Variants in SNTG2 observed in about 807,000 individuals in gnomAD.
SNTG2 encodes the protein syntrophin gamma 2.
In SNTG2, 74 loss-of-function variants were observed where a neutral mutation model predicts 70.9. The observed-to-expected ratio is 1.04, with a 90% CI of 0.86 to 1.27. The LOEUF (loss-of-function observed/expected upper bound fraction) is 1.27, where lower values mean the gene tolerates loss of function less well. Ranked by LOEUF, SNTG2 falls within the 50% of genes most tolerant of loss-of-function variation. The pLI is 0.00. For missense variants in SNTG2, 717 were observed against 690.7 expected (o/e 1.04, Z -0.43); for synonymous variants, 278 against 273.8 (o/e 1.02, Z -0.15).
At chr2:1,296,865 A>C (rs971532227) in intron 14 of SNTG2, among the ~76,000 whole-genome samples, 5 of 152,236 alleles carry the variant, frequency 3.3e-5, no homozygotes, top group Non-Finnish European at 5.9e-5. Context: ...AATAAATTGT[A>C]TTTGTAGAGC....
chr2:1,234,851 C>T (rs1362823594), intron 9 of SNTG2, among the ~76,000 whole-genome samples: 1 of 152,224 alleles, frequency 6.6e-6, no homozygotes, highest in African/African-American at 2.4e-5. Context: ...AGAGTTAGGA[C>T]TCTGGACTCA....
chr2:1,167,473 C>T (rs1343447012), intron 7 of SNTG2, among the ~76,000 whole-genome samples: 3 of 139,096 alleles, frequency 2.2e-5, no homozygotes, highest in East Asian at 2.3e-4. Flanking sequence ...CGCCCACAGA[C>T]GGCAGAACTG....
At chr2:1,088,608 C>T (rs1664827264) in intron 2 of SNTG2, among the ~76,000 whole-genome samples, 2 of 152,224 alleles carry the variant, frequency 1.3e-5, no homozygotes, top group East Asian at 3.9e-4. Context: ...AAAACAACTG[C>T]ATTCGGAGCT....
At chr2:1,333,610 A>G (rs547358597) in intron 16 of SNTG2, among the ~76,000 whole-genome samples, 1 of 152,354 alleles carries the variant, frequency 6.6e-6, no homozygotes, top group South Asian at 2.1e-4. Flanking sequence ...AATGGAACAG[A>G]ATAGAGAACC....
At chr2:1,350,084 G>A (rs766384051) in intron 16 of SNTG2, among the ~76,000 whole-genome samples, 32 of 151,914 alleles carry the variant, frequency 2.1e-4, no homozygotes, top group Non-Finnish European at 3.4e-4. Flanking sequence ...TTAGGAAATC[G>A]GATGGCCTCA....
At chr2:967,237 G>A (rs369642136) in intron 1 of SNTG2, among the ~76,000 whole-genome samples, 1 of 152,112 alleles carries the variant, frequency 6.6e-6, no homozygotes, top group African/African-American at 2.4e-5. Flanking sequence ...CTATTGTAAC[G>A]GGTAAAACCA....
intron 15 of SNTG2, among the ~76,000 whole-genome samples, chr2:1,312,362 C>T (rs951559899): frequency 1.3e-5 from 2 of 152,192 alleles, no homozygotes; most frequent in Non-Finnish European, 2.9e-5. Flanking sequence ...ACATCCTCTT[C>T]TCACTCTCTG....
Position 1,321,459 on chromosome 2 carries a change from A to C in SNTG2, c.1488+5084A>C, listed in dbSNP as rs144666792. Reference sequence around the variant, plus strand: ...GAGGAAGATTGGGCGTGGGCACCTGAGTGTTTAGGACCACGGAGGGGGTGG... The same window carrying C: ...GAGGAAGATTGGGCGTGGGCACCTGCGTGTTTAGGACCACGGAGGGGGTGG... On this transcript the variant is annotated intron_variant, in intron 16 of 16. Coordinates refer to ENST00000308624, the MANE Select transcript of SNTG2 (RefSeq NM_018968.4). 6.5e-3 allele frequency among the ~76,000 whole-genome samples: 994 copies of C among 152,218 alleles called. 6 individuals are homozygous for C. The highest frequency in any genetic ancestry group is 0.023 in the African/African-American group (938 of 41,540).
At chr2:1,085,050 A>C (rs904813926) in intron 2 of SNTG2, among the ~76,000 whole-genome samples, 1 of 152,192 alleles carries the variant, frequency 6.6e-6, no homozygotes, top group African/African-American at 2.4e-5. Context: ...TCACGGGCTC[A>C]TACAAGATTC....
At position 1,355,175 on chromosome 2, in the gene SNTG2, CT is replaced by C. The variant is rs200235711; in HGVS notation, c.1489-12167del. On this transcript the variant is annotated intron_variant, in intron 16 of 16. Coordinates refer to ENST00000308624, the MANE Select transcript of SNTG2 (RefSeq NM_018968.4). ...TGACCTGGGAAATCACGTAATCTTT[CT>C]GGTTTTCGTATTTGTTTATGTGTGG... Among the ~76,000 whole-genome samples the C allele has an allele frequency of 9.8e-5, 15 of 152,324 alleles. No individual in the cohort carries two copies. In the East Asian group the frequency reaches 2.5e-3, roughly 25 times the overall value.
intron 12 of SNTG2, among the ~76,000 whole-genome samples, chr2:1,249,746 G>A (rs1294091374): frequency 6.6e-6 from 1 of 152,328 alleles, no homozygotes; most frequent in South Asian, 2.1e-4. Flanking sequence ...AAATCCTAAT[G>A]TATCTAAATT....
intron 9 of SNTG2, among the ~76,000 whole-genome samples, chr2:1,227,368 G>T (rs1373477911): frequency 6.6e-6 from 1 of 152,264 alleles, no homozygotes; most frequent in Non-Finnish European, 1.5e-5. Context: ...TGGCTGCTAT[G>T]CCGAGGCCAC....
At chr2:1,078,281 A>G (rs1243181018) in intron 1 of SNTG2, among the ~76,000 whole-genome samples, 1 of 152,204 alleles carries the variant, frequency 6.6e-6, no homozygotes, top group Admixed American at 6.5e-5. Flanking sequence ...CAAGCGGCAC[A>G]TGGGTTCTGA....
At chr2:969,988 G>C (rs938478847) in intron 1 of SNTG2, among the ~76,000 whole-genome samples, 2 of 152,146 alleles carry the variant, frequency 1.3e-5, no homozygotes, top group Non-Finnish European at 2.9e-5. Flanking sequence ...GTATGATGTT[G>C]ACTGTGGGTT....
chr2:1,250,477 G>C (rs1461831309), intron 12 of SNTG2, among the ~76,000 whole-genome samples: 4 of 151,218 alleles, frequency 2.6e-5, no homozygotes, highest in Non-Finnish European at 2.9e-5. Flanking sequence ...GACTCTCTCT[G>C]TGTCTCTTCC....
intron 1 of SNTG2, among the ~76,000 whole-genome samples, chr2:1,003,615 G>A (rs1659476589): frequency 6.6e-6 from 1 of 152,174 alleles, no homozygotes; most frequent in African/African-American, 2.4e-5. Context: ...TACCTTGGGT[G>A]CATTTGCCTG....
intron 1 of SNTG2, among the ~76,000 whole-genome samples, chr2:1,080,868 T>G (rs1237081408): frequency 6.6e-6 from 1 of 152,106 alleles, no homozygotes; most frequent in Non-Finnish European, 1.5e-5. Context: ...TTTGTGTTTT[T>G]GGGTGGCCTA....
intron 1 of SNTG2, among the ~76,000 whole-genome samples, chr2:986,929 T>C (rs1661343195): frequency 6.6e-6 from 1 of 152,248 alleles, no homozygotes; most frequent in East Asian, 1.9e-4. Flanking sequence ...ATGGGAATAC[T>C]TGCAGCTATT....
At chr2:1,237,378 TTGTTAATACTTTGC>T (rs1457248777) in intron 9 of SNTG2, among the ~76,000 whole-genome samples, 1 of 152,178 alleles carries the variant, frequency 6.6e-6, no homozygotes, top group Non-Finnish European at 1.5e-5. Context: ...AGACGGTTGG[TTGTTAATACTTTGC>T]CATGATTGAG....
Sources: gnomAD v4.1 joint callset for allele counts (sites outside exome capture counted in the v4.1 genomes callset) on GRCh38, gnomAD v4.1.1 for gene constraint, MANE v1.5 for transcripts, NCBI Gene and HGNC (gene_info 2026-07-23, HGNC 2026-07-21) for gene names.